The following DLG2 variants were observed in gnomAD, a reference collection of about 807,000 sequenced individuals.
The protein encoded by DLG2 is discs large MAGUK scaffold protein 2.
A neutral mutation model predicts 132.5 loss-of-function variants in DLG2; 45 were observed. That is an observed-to-expected ratio of 0.34 (90% CI 0.27 to 0.44). The LOEUF (loss-of-function observed/expected upper bound fraction) is 0.44, where lower values mean the gene tolerates loss of function less well. DLG2 is among the 20% of genes least tolerant of loss of function. The probability of loss-of-function intolerance (pLI) is 1.00; values close to 1 mark genes in which losing one functional copy is unlikely to be tolerated. For missense variants in DLG2, 1,045 were observed against 1,196.9 expected, an observed-to-expected ratio of 0.87 and a Z score of 1.87; for synonymous variants, 424 against 419.6, an observed-to-expected ratio of 1.01 and a Z score of -0.13.
chr11:84,529,642 A>C (rs2099330468), intron 7 of DLG2, among the ~76,000 whole-genome samples: 1 of 152,226 alleles, frequency 6.6e-6, no homozygotes, highest in African/African-American at 2.4e-5. Flanking sequence ...AGGAAATCCA[A>C]GATGATTCAA....
Position 85,532,548 on chromosome 11 carries a change from T to A in DLG2, c.40+66109A>T, listed in dbSNP as rs541084883. 2.6e-5 allele frequency among the ~76,000 whole-genome samples: 4 copies of A among 152,348 alleles called. No individual in the cohort carries two copies. The South Asian group carries it at 8.3e-4, about 32-fold the overall frequency. ...AATTATTGGCTAAGTTACATGAGTA[T>A]CACAGAGCACACCAACTATTGTTAC... is the stretch of plus-strand genomic sequence containing the variant. On this transcript the variant is annotated intron_variant, in intron 3 of 27. Coordinates refer to ENST00000376104, the MANE Select transcript of DLG2 (RefSeq NM_001142699.3).
chr11:83,661,340 C>A (rs992001171), intron 18 of DLG2, among the ~76,000 whole-genome samples: 14 of 152,158 alleles, frequency 9.2e-5, no homozygotes, highest in Admixed American at 3.9e-4. Context: ...GTTATGGAGA[C>A]AAACTCTGCA....
intron 10 of DLG2, among the ~76,000 whole-genome samples, chr11:84,093,555 C>T (rs1234967601): frequency 3.9e-5 from 6 of 152,194 alleles, no homozygotes; most frequent in Admixed American, 6.5e-5. Flanking sequence ...AGTGACATCT[C>T]ATCATAGTCA....
Position 85,333,313 on chromosome 11 carries a change from T to G in DLG2, c.41-47948A>C, listed in dbSNP as rs140748776. 3.8e-3 allele frequency among the ~76,000 whole-genome samples: 585 copies of G among 152,298 alleles called. 2 individuals carry two copies. The highest frequency in any genetic ancestry group is 0.013 in the African/African-American group (541 of 41,570). On this transcript the variant is annotated intron_variant, in intron 3 of 27. Coordinates refer to ENST00000376104, the MANE Select transcript of DLG2 (RefSeq NM_001142699.3). ...TTTGAATCCTGAAATTTTATTGAAG[T>G]TGTTTATCAGTTCTAGGATCTTCTT...
chr11:84,233,451 T>C (rs2097121003), intron 8 of DLG2, among the ~76,000 whole-genome samples: 1 of 152,166 alleles, frequency 6.6e-6, no homozygotes, highest in African/African-American at 2.4e-5. Flanking sequence ...CTGGCAGCTG[T>C]GCCAATAGAA....
chr11:85,259,340 T>G (rs1403316296), intron 4 of DLG2, among the ~76,000 whole-genome samples: 1 of 152,166 alleles, frequency 6.6e-6, no homozygotes, highest in Non-Finnish European at 1.5e-5. Flanking sequence ...GTAAGTTTCC[T>G]GAGGCCTCCC....
intron 6 of DLG2, among the ~76,000 whole-genome samples, chr11:84,964,127 C>T (rs546997649): frequency 7.2e-5 from 11 of 152,062 alleles, no homozygotes; most frequent in African/African-American, 1.4e-4. Context: ...TATTAATTTA[C>T]GATTCAAAGA....
At chr11:84,059,599 A>G in intron 10 of DLG2, 115 bp from the exon 11 acceptor site, 1 of 844,154 alleles carries the variant, frequency 1.2e-6, no homozygotes, top group Non-Finnish European at 1.7e-6. Context: ...AAAAAATTTT[A>G]AAATATTTAA....
chr11:85,339,495 C>A (rs1351163937), intron 3 of DLG2, among the ~76,000 whole-genome samples: 2 of 152,106 alleles, frequency 1.3e-5, no homozygotes, highest in African/African-American at 2.4e-5. Flanking sequence ...ATGAAAATTT[C>A]TGTTTCTGCA....
intron 6 of DLG2, among the ~76,000 whole-genome samples, chr11:84,728,535 A>C (rs2062772776): frequency 6.6e-6 from 1 of 152,154 alleles, no homozygotes; most frequent in Non-Finnish European, 1.5e-5. Flanking sequence ...CATCAGGAAT[A>C]TTGGCCTGAT....
intron 18 of DLG2, among the ~76,000 whole-genome samples, chr11:83,730,613 G>A (rs2090840366): frequency 6.6e-6 from 1 of 152,150 alleles, no homozygotes; most frequent in Non-Finnish European, 1.5e-5. Context: ...TCATCAGCCT[G>A]GTCATGGTAC....
intron 6 of DLG2, among the ~76,000 whole-genome samples, chr11:84,814,610 C>G (rs1330580096): frequency 6.6e-6 from 1 of 152,074 alleles, no homozygotes; most frequent in East Asian, 1.9e-4. Context: ...GCAGTTCTCT[C>G]CATGCATCAT....
chr11:84,963,802 C>T (rs1027031181), intron 6 of DLG2, among the ~76,000 whole-genome samples: 1 of 152,106 alleles, frequency 6.6e-6, no homozygotes, highest in Non-Finnish European at 1.5e-5. Flanking sequence ...GCTTACTCTG[C>T]AGGTAACTTG....
intron 18 of DLG2, among the ~76,000 whole-genome samples, chr11:83,719,783 G>A (rs2087836548): frequency 6.6e-6 from 1 of 152,134 alleles, no homozygotes; most frequent in Non-Finnish European, 1.5e-5. Context: ...AGCAGGAGGT[G>A]TTCCAAAAGA....
chr11:85,599,285 G>A (rs1184150291), intron 2 of DLG2, among the ~76,000 whole-genome samples: 1 of 151,704 alleles, frequency 6.6e-6, no homozygotes, highest in East Asian at 1.9e-4. Context: ...TGCATGCGCA[G>A]ACACCCACAT....
intron 11 of DLG2, among the ~76,000 whole-genome samples, chr11:84,044,739 T>G (rs2154112362): frequency 6.6e-6 from 1 of 151,864 alleles, no homozygotes; most frequent in Middle Eastern, 3.4e-3. Context: ...CCCTTTAGAC[T>G]TTCTCAATCA....
chr11:83,488,754 C>CTAT (rs1275509224), intron 21 of DLG2, among the ~76,000 whole-genome samples: 3 of 152,086 alleles, frequency 2.0e-5, no homozygotes, highest in East Asian at 3.9e-4. Flanking sequence ...TTTATACATG[C>CTAT]TATTTTCCTC....
chr11:84,070,796 C>T (rs2096744955), intron 10 of DLG2, among the ~76,000 whole-genome samples: 1 of 152,132 alleles, frequency 6.6e-6, no homozygotes, highest in East Asian at 1.9e-4. Flanking sequence ...GTACAGTGAT[C>T]TTAAAATTCT....
chr11:84,622,308 AAG>A (rs1454508507), intron 6 of DLG2, among the ~76,000 whole-genome samples: 3 of 152,182 alleles, frequency 2.0e-5, no homozygotes, highest in Admixed American at 6.6e-5. Context: ...CACCACCAGA[AAG>A]AGTCTTTCTT....
Sources: gnomAD v4.1 joint callset for allele counts (sites outside exome capture counted in the v4.1 genomes callset) on GRCh38, gnomAD v4.1.1 for gene constraint, MANE v1.5 for transcripts, NCBI Gene and HGNC (gene_info 2026-07-23, HGNC 2026-07-21) for gene names.